The following WNT7A variants were observed in gnomAD, a reference collection of about 807,000 sequenced individuals.
WNT7A encodes protein Wnt-7a.
In WNT7A, 16 loss-of-function variants were observed where a neutral mutation model predicts 28.2. That is an observed-to-expected ratio of 0.57 (90% CI 0.38 to 0.86). The LOEUF (loss-of-function observed/expected upper bound fraction) is 0.86. WNT7A is among the 40% of genes least tolerant of loss of function. The pLI, the probability that WNT7A is intolerant of heterozygous loss-of-function variation, is 0.00. For missense variants in WNT7A, 411 were observed against 489.7 expected (o/e 0.84, Z 1.52); for synonymous variants, 190 against 195.9 (o/e 0.97, Z 0.25).
chr3:13,866,648 G>T (rs1366183453), intron 2 of WNT7A, among the ~76,000 whole-genome samples: 1 of 152,226 alleles, frequency 6.6e-6, no homozygotes, highest in Non-Finnish European at 1.5e-5. Flanking sequence ...CTGGCAAAGA[G>T]CATCCAGGCA....
rs193230672 is a variant in WNT7A at position 13,856,815 on chromosome 3, G to A, written c.299-2012C>T. ...CCTGGGTGACAGAGCGAAACTCCAT[G>A]AAGAAGAAGAAGATGAAGGAGAAGA... On this transcript the variant is annotated intron_variant, in intron 2 of 3. Transcript: ENST00000285018. 2.6e-3 allele frequency among the ~76,000 whole-genome samples: 397 copies of A among 151,118 alleles called. 2 individuals are homozygous for A. The highest frequency in any genetic ancestry group is 9.1e-3 in the African/African-American group (375 of 41,044).
At chr3:13,850,146 C>A (rs1001900345) in intron 3 of WNT7A, among the ~76,000 whole-genome samples, 1 of 152,250 alleles carries the variant, frequency 6.6e-6, no homozygotes, top group African/African-American at 2.4e-5. Flanking sequence ...TGCCCAGGGG[C>A]GGGGCAGGAA....
At chr3:13,855,855 A>C (rs1003927052) in intron 2 of WNT7A, among the ~76,000 whole-genome samples, 16 of 152,270 alleles carry the variant, frequency 1.1e-4, no homozygotes, top group Admixed American at 5.9e-4. Flanking sequence ...GAGCAGGCAA[A>C]GGGGGGCCAG....
At chr3:13,846,957 A>G (rs1392032711) in intron 3 of WNT7A, among the ~76,000 whole-genome samples, 1 of 152,044 alleles carries the variant, frequency 6.6e-6, no homozygotes, top group African/African-American at 2.4e-5. Context: ...AGGCTGCATG[A>G]AGCTGGGGTC....
In WNT7A at chr3:13,816,810, C is replaced by G. The variant is rs1694011828; in HGVS notation, c.*2134G>C. On this transcript the variant is annotated 3_prime_UTR_variant, in exon 4 of 4. Transcript: ENST00000285018. ...CTACCCATCCATCCATTTATCCATTCACCCACCCACCTACTTATCCATCCA... is the reference window on the plus strand; with the variant it reads ...CTACCCATCCATCCATTTATCCATTGACCCACCCACCTACTTATCCATCCA... 6.6e-6 allele frequency: 1 copy of G among 152,276 alleles called. No homozygotes were observed. The highest frequency in any genetic ancestry group is 6.5e-5 in the Admixed American group (1 of 15,270). The allele number at this position is 152,276 out of a possible 1,614,324, so 9.4% of individuals were successfully genotyped here. A position where few individuals can be genotyped will look rare whatever the true frequency, so the allele number is the denominator to read the frequency against.
In WNT7A at chr3:13,819,238, C is replaced by T. The variant is rs1694070765; in HGVS notation, c.756G>A (p.Leu252=). Residue 252 remains leucine, a synonymous_variant, in exon 4 of 4, where the codon CTG becomes CTA. Transcript: ENST00000285018. ...RASRNKRPTF[L]KIKKPLSYRK... is the part of the protein sequence containing the mutation. ...GGTACGACAGTGGCTTCTTGATCTT[C>T]AGGAAGGTGGGCCGCTTGTTGCGGC... 1.9e-6 allele frequency: 3 copies of T among 1,614,128 alleles called. No individual in the cohort carries two copies. The African/African-American group carries it at 4.0e-5, about 22-fold the overall frequency.
intron 3 of WNT7A, among the ~76,000 whole-genome samples, chr3:13,826,888 C>T (rs371989725): frequency 1.3e-5 from 2 of 152,176 alleles, no homozygotes; most frequent in African/African-American, 4.8e-5. Flanking sequence ...AGGCCTAATG[C>T]CCACAATAAA....
intron 3 of WNT7A, among the ~76,000 whole-genome samples, chr3:13,826,967 C>G (rs1176285676): frequency 6.6e-6 from 1 of 152,170 alleles, no homozygotes; most frequent in Non-Finnish European, 1.5e-5. Flanking sequence ...AGAAACAGAG[C>G]ATGTCTAGAG....
At chr3:13,839,020 GATA>G (rs1694415484) in intron 3 of WNT7A, among the ~76,000 whole-genome samples, 1 of 150,272 alleles carries the variant, frequency 6.7e-6, no homozygotes, top group Non-Finnish European at 1.5e-5. Flanking sequence ...ATCAATATCA[GATA>G]GATATTTGGG....
chr3:13,817,718 C>G lies in WNT7A; in HGVS notation c.*1226G>C, dbSNP rs1694031203. 3 of 152,252 alleles carry G rather than the reference C, an allele frequency of 2.0e-5. No homozygotes were observed. Among genetic ancestry groups the G allele is most frequent in the Admixed American group, 2.0e-4 (3 of 15,288 alleles). 9.4% of individuals were successfully genotyped at this position (152,252 alleles called of 1,614,324 possible). A position where few individuals can be genotyped will look rare whatever the true frequency, so the allele number is the denominator to read the frequency against. On this transcript the variant is annotated 3_prime_UTR_variant, in exon 4 of 4. Coordinates refer to ENST00000285018, the MANE Select transcript of WNT7A (RefSeq NM_004625.4). ...CATCTCACCTTCCAGGACACGCAGGCAATGGCTAGTGTCTTGGTGAGGTGT... is the reference window on the plus strand; with the variant it reads ...CATCTCACCTTCCAGGACACGCAGGGAATGGCTAGTGTCTTGGTGAGGTGT...
Position 13,818,833 on chromosome 3 carries a change from C to T in WNT7A, c.*111G>A, listed in dbSNP as rs1310542654. Reference sequence around the variant, plus strand: ...GCAGGAAACCCAGGAAAAGTACCCTCCTCAGCAGAAAAGACAAGCTCAGCA... The same window carrying T: ...GCAGGAAACCCAGGAAAAGTACCCTTCTCAGCAGAAAAGACAAGCTCAGCA... On this transcript the variant is annotated 3_prime_UTR_variant, in exon 4 of 4. Transcript: ENST00000285018. 3.5e-6 allele frequency: 5 copies of T among 1,441,056 alleles called. No individual in the cohort carries two copies. In the East Asian group the frequency reaches 7.3e-5, roughly 21 times the overall value. The allele number at this position is 1,441,056 out of a possible 1,614,324, so 89.3% of individuals were successfully genotyped here. A position where few individuals can be genotyped will look rare whatever the true frequency, so the allele number is the denominator to read the frequency against.
At chr3:13,862,020 C>T (rs1485271136) in intron 2 of WNT7A, among the ~76,000 whole-genome samples, 6 of 152,202 alleles carry the variant, frequency 3.9e-5, no homozygotes, top group African/African-American at 9.7e-5. Context: ...AGACAAAACC[C>T]GTCAGTCCCT....
chr3:13,840,547 G>A (rs1442249654), intron 3 of WNT7A, among the ~76,000 whole-genome samples: 1 of 152,142 alleles, frequency 6.6e-6, no homozygotes, highest in African/African-American at 2.4e-5. Context: ...AGTGAGCTCA[G>A]CTTTTTGCTC....
intron 3 of WNT7A, among the ~76,000 whole-genome samples, chr3:13,851,653 G>A (rs1371000921): frequency 6.6e-6 from 1 of 152,264 alleles, no homozygotes; most frequent in East Asian, 1.9e-4. Flanking sequence ...CTAGTCTTGA[G>A]GGCAAAAACT....
At chr3:13,843,141 T>C (rs1284643150) in intron 3 of WNT7A, among the ~76,000 whole-genome samples, 16 of 152,188 alleles carry the variant, frequency 1.1e-4, no homozygotes. Context: ...TAGCACACTC[T>C]ACAGCCAGCG....
At position 13,874,823 on chromosome 3, in the gene WNT7A, C is replaced by T. The variant is rs1047108843; in HGVS notation, c.298+124G>A. On this transcript the variant is annotated intron_variant, in intron 2 of 3. Coordinates refer to ENST00000285018, the MANE Select transcript of WNT7A (RefSeq NM_004625.4). ...TCCTGAATGCAAGTCAATGCACCTG[C>T]AGGACCCCATACTGAGGGATATTCT... The T allele has an allele frequency of 7.0e-6, 7 of 999,600 alleles. No homozygotes were observed. In the Admixed American group the frequency reaches 8.0e-5, roughly 11 times the overall value. The allele number at this position is 999,600 out of a possible 1,614,324, so 61.9% of individuals were successfully genotyped here. A position where few individuals can be genotyped will look rare whatever the true frequency, so the allele number is the denominator to read the frequency against.
intron 2 of WNT7A, among the ~76,000 whole-genome samples, chr3:13,871,749 A>G (rs60290726): frequency 0.11 from 17,321 of 151,858 alleles, 1,107 homozygotes; most frequent in Middle Eastern, 0.19. Context: ...CCAGACCCCC[A>G]CTGCCACCCT....
At chr3:13,869,237 G>A (rs111066806) in intron 2 of WNT7A, among the ~76,000 whole-genome samples, 140,649 of 141,256 alleles carry the variant, frequency 1, 70,021 homozygotes, top group Non-Finnish European at 1. Flanking sequence ...GAGAGAGAGA[G>A]AGAGGAAGAA....
At chr3:13,862,142 G>GA (rs1430986303) in intron 2 of WNT7A, among the ~76,000 whole-genome samples, 4 of 152,236 alleles carry the variant, frequency 2.6e-5, no homozygotes, top group African/African-American at 9.6e-5. Flanking sequence ...GCCAAGTTGT[G>GA]AAAATTAAAT....
Sources: allele counts gnomAD v4.1 joint callset (sites outside exome capture counted in the v4.1 genomes callset), GRCh38; gene constraint gnomAD v4.1.1; transcripts MANE v1.5; gene names NCBI Gene and HGNC (gene_info 2026-07-23, HGNC 2026-07-21).